SLC24A3: variants seen among roughly 807,000 people sequenced by gnomAD.
SLC24A3 encodes solute carrier family 24 member 3, also known as sodium/potassium/calcium exchanger 3.
A neutral mutation model predicts 75.8 loss-of-function variants in SLC24A3; 28 were observed. That is an observed-to-expected ratio of 0.37 (90% CI 0.27 to 0.51). SLC24A3 has a LOEUF of 0.51. Ranked by LOEUF, SLC24A3 falls within the 20% of genes least tolerant of loss-of-function variation. SLC24A3 has a pLI of 0.94. For synonymous variants in SLC24A3, 372 were observed against 334.1 expected (o/e 1.11, Z -1.24); for missense variants, 663 against 847.8 (o/e 0.78, Z 2.71).
intron 1 of SLC24A3, among the ~76,000 whole-genome samples, chr20:19,230,626 GGGGGGGAA>G (rs1981992838): frequency 6.8e-6 from 1 of 146,270 alleles, no homozygotes; most frequent in Non-Finnish European, 1.5e-5. Context: ...ACATATTGAT[GGGGGGGAA>G]TGGATGGGTA....
intron 2 of SLC24A3, among the ~76,000 whole-genome samples, chr20:19,467,697 A>T (rs1987791053): frequency 6.6e-6 from 1 of 152,138 alleles, no homozygotes; most frequent in Non-Finnish European, 1.5e-5. Flanking sequence ...CCTGGCCAAC[A>T]TGGTGAAACC....
rs200019569 is a variant in SLC24A3 at position 19,281,022 on chromosome 20, A to G, written c.206A>G (p.Gln69Arg). 3.6e-5 allele frequency: 58 copies of G among 1,614,068 alleles called. No homozygotes were observed. The highest frequency in any genetic ancestry group is 4.7e-5 in the Non-Finnish European group (56 of 1,180,028). ...RKWMMARKLM[Q>R]VNDTLTSEDA... The stretch of plus-strand genomic sequence containing the variant: ...TGGATGATGGCGAGGAAGCTGATGC[A>G]GGTGAACGACACTCTGACTTCCGAA... The change falls in exon 2 of 17, where the codon CAG becomes CGG. Residue 69 changes from glutamine (Q) to arginine (R), a missense_variant. By Grantham distance (43) the Gln-to-Arg change is conservative. Around this residue, in one of 2 missense-constraint regions of SLC24A3, gnomAD observed 153 missense variants for 144.2 expected, o/e 1.06. Coordinates refer to ENST00000328041, the MANE Select transcript of SLC24A3 (RefSeq NM_020689.4).
At chr20:19,258,487 C>T (rs1285286972) in intron 1 of SLC24A3, among the ~76,000 whole-genome samples, 3 of 152,160 alleles carry the variant, frequency 2.0e-5, no homozygotes, top group Non-Finnish European at 4.4e-5. Context: ...GGGCGGATCA[C>T]GAGGTCAGCA....
intron 1 of SLC24A3, chr20:19,242,638 T>A (rs1982363004): frequency 6.6e-6 from 1 of 151,558 alleles, no homozygotes; most frequent in African/African-American, 2.4e-5. Context: ...AAAATAAACA[T>A]GTGTTGAAGA....
At chr20:19,213,767 T>C (rs1981476450) in intron 1 of SLC24A3, among the ~76,000 whole-genome samples, 1 of 152,210 alleles carries the variant, frequency 6.6e-6, no homozygotes, top group Non-Finnish European at 1.5e-5. Flanking sequence ...GAAATAGATC[T>C]TGTGTGCTCC....
At chr20:19,649,130 T>C (rs1385210121) in intron 6 of SLC24A3, among the ~76,000 whole-genome samples, 2 of 152,232 alleles carry the variant, frequency 1.3e-5, no homozygotes, top group African/African-American at 2.4e-5. Context: ...ATCAACCTAC[T>C]GTGGCTTGGG....
chr20:19,543,930 C>T (rs1337364808), intron 3 of SLC24A3, among the ~76,000 whole-genome samples: 1 of 152,178 alleles, frequency 6.6e-6, no homozygotes, highest in Non-Finnish European at 1.5e-5. Flanking sequence ...GGAACAGAAT[C>T]CTGAGTGACT....
At chr20:19,683,993 C>A (rs1030842206) in intron 10 of SLC24A3, among the ~76,000 whole-genome samples, 183 bp from the exon 11 acceptor site, 2 of 150,742 alleles carry the variant, frequency 1.3e-5, no homozygotes, top group Non-Finnish European at 2.9e-5. Context: ...AGAATGAATG[C>A]ATGGATGGGT....
intron 2 of SLC24A3, among the ~76,000 whole-genome samples, chr20:19,490,427 C>T (rs772396446): frequency 3.9e-5 from 6 of 152,186 alleles, no homozygotes; most frequent in East Asian, 1.9e-4. Context: ...CCTTTGTTAC[C>T]GAATCCCCTG....
chr20:19,485,338 G>A (rs940060505), intron 2 of SLC24A3, among the ~76,000 whole-genome samples: 1 of 152,180 alleles, frequency 6.6e-6, no homozygotes, highest in Non-Finnish European at 1.5e-5. Context: ...CTGGACTGAT[G>A]AGTCCATGTG....
rs972544874 is a variant in SLC24A3, at chr20:19,448,753, A to G, written c.272-66735A>G. Among the ~76,000 whole-genome samples, 4 of 152,200 alleles carry G rather than the reference A, an allele frequency of 2.6e-5. No individual in the cohort carries two copies. The South Asian group carries it at 6.2e-4, about 24-fold the overall frequency. On this transcript the variant is annotated intron_variant, in intron 2 of 16. Coordinates refer to ENST00000328041, the MANE Select transcript of SLC24A3 (RefSeq NM_020689.4). ...TTCCCCTTTGTATGGTGTGGATGAC[A>G]CTTGTGCCAGTCTTCCCAGAAAATG...
intron 3 of SLC24A3, among the ~76,000 whole-genome samples, chr20:19,561,358 T>C (rs1017092235): frequency 9.2e-5 from 14 of 152,152 alleles, no homozygotes; most frequent in African/African-American, 3.4e-4. Context: ...TGGTCATCCC[T>C]GATGACCGCT....
At chr20:19,322,481 T>A (rs545404487) in intron 2 of SLC24A3, among the ~76,000 whole-genome samples, 1 of 151,996 alleles carries the variant, frequency 6.6e-6, no homozygotes, top group East Asian at 2.0e-4. Flanking sequence ...TTTCAAATTG[T>A]CCCAATTTTG....
At chr20:19,477,585 A>G (rs917207522) in intron 2 of SLC24A3, among the ~76,000 whole-genome samples, 3 of 152,202 alleles carry the variant, frequency 2.0e-5, no homozygotes, top group African/African-American at 7.2e-5. Flanking sequence ...AGAGTTCAGC[A>G]TCACAGACAC....
chr20:19,708,593 C>T (rs115438987), intron 15 of SLC24A3, among the ~76,000 whole-genome samples: 3 of 152,270 alleles, frequency 2.0e-5, no homozygotes, highest in African/African-American at 7.2e-5. Context: ...CTTCCTCTGG[C>T]GATGCCACGT....
At chr20:19,449,291 G>A (rs142420756) in intron 2 of SLC24A3, among the ~76,000 whole-genome samples, 1 of 152,336 alleles carries the variant, frequency 6.6e-6, no homozygotes, top group East Asian at 1.9e-4. Flanking sequence ...AGAGAGCTCC[G>A]AGGCAGGAAA....
intron 6 of SLC24A3, among the ~76,000 whole-genome samples, chr20:19,603,778 GA>G (rs574415276): frequency 4.6e-5 from 7 of 150,736 alleles, no homozygotes; most frequent in Non-Finnish European, 8.9e-5. Flanking sequence ...CATATTCAAA[GA>G]AAAAAAAACA....
chr20:19,535,304 T>C (rs954202556), intron 3 of SLC24A3, among the ~76,000 whole-genome samples: 2 of 152,242 alleles, frequency 1.3e-5, no homozygotes, highest in Admixed American at 1.3e-4. Context: ...GTTCTTCTTG[T>C]CTTGGCTGCC....
chr20:19,313,876 T>C (rs535344974), intron 2 of SLC24A3, among the ~76,000 whole-genome samples: 8 of 152,332 alleles, frequency 5.3e-5, no homozygotes, highest in Admixed American at 1.3e-4. Context: ...CTTTAGAAAC[T>C]TGTTTTGCTG....
Sources: allele counts gnomAD v4.1 joint callset (sites outside exome capture counted in the v4.1 genomes callset), GRCh38; gene constraint gnomAD v4.1.1; regional missense constraint gnomAD v4.1.1; transcripts MANE v1.5; gene names NCBI Gene and HGNC (gene_info 2026-07-23, HGNC 2026-07-21).